NTM: variants seen among roughly 807,000 people sequenced by gnomAD.
The protein encoded by NTM is IgLON family member 2.
A neutral mutation model predicts 42.1 loss-of-function variants in NTM; 13 were observed. The observed-to-expected ratio is 0.31, with a 90% confidence interval of 0.20 to 0.49. The LOEUF (loss-of-function observed/expected upper bound fraction) is 0.49. Among genes scored for constraint, NTM ranks in the 20% least tolerant of loss-of-function variants. The pLI, the probability that NTM is intolerant of heterozygous loss-of-function variation, is 0.99. For synonymous variants in NTM, 187 were observed against 179.2 expected (o/e 1.04, Z -0.35); for missense variants, 373 against 452.8 (o/e 0.82, Z 1.60).
chr11:132,023,327 T>C (rs994741801), intron 2 of NTM, among the ~76,000 whole-genome samples: 1 of 152,184 alleles, frequency 6.6e-6, no homozygotes, highest in African/African-American at 2.4e-5. Flanking sequence ...TAAACCTCTC[T>C]TAATTAAAGC....
rs1945591257 is a variant in NTM, at chr11:131,404,436, T to G, written c.82+33548T>G. ...CCCTACTCTGTTTCTTTTGTTTCCA[T>G]CTTCTTCTCTGTATGCTGGGTCTGC... is the stretch of plus-strand genomic sequence containing the variant. On this transcript the variant is annotated intron_variant, in intron 1 of 8. Coordinates refer to ENST00000683400, the MANE Select transcript of NTM (RefSeq NM_001352005.2). Among the ~76,000 whole-genome samples the G allele has an allele frequency of 2.0e-5, 3 of 152,200 alleles. No individual in the cohort carries two copies. The South Asian group carries it at 6.2e-4, about 32-fold the overall frequency.
chr11:132,279,029 C>G (rs1000239963), intron 4 of NTM, among the ~76,000 whole-genome samples: 1 of 152,098 alleles, frequency 6.6e-6, no homozygotes, highest in Non-Finnish European at 1.5e-5. Flanking sequence ...TTAGATCATC[C>G]AAATGGAATG....
chr11:131,394,349 G>C (rs567684581), intron 1 of NTM, among the ~76,000 whole-genome samples: 1 of 152,196 alleles, frequency 6.6e-6, no homozygotes, highest in Non-Finnish European at 1.5e-5. Context: ...CTCCCAGGGA[G>C]ATTCCCCACC....
chr11:131,782,028 C>T lies in NTM; in HGVS notation c.83-129536C>T, dbSNP rs76856820. Among the ~76,000 whole-genome samples, 1,209 of 152,208 alleles carry T rather than the reference C, an allele frequency of 7.9e-3. 18 individuals are homozygous for T. Among genetic ancestry groups the T allele is most frequent in the African/African-American group, 0.028 (1,161 of 41,528 alleles). Reference sequence around the variant, plus strand: ...CATTAATGGTTTATTTGAGTTCTGACCAGCTAGAGTGGAGAGATTTTATTG... The same window carrying T: ...CATTAATGGTTTATTTGAGTTCTGATCAGCTAGAGTGGAGAGATTTTATTG... On this transcript the variant is annotated intron_variant, in intron 1 of 8. Transcript: ENST00000683400.
intron 1 of NTM, among the ~76,000 whole-genome samples, chr11:131,424,464 T>C (rs1947846247): frequency 6.6e-6 from 1 of 152,120 alleles, no homozygotes. Context: ...GTTATGCACC[T>C]TCCTCAAGTT....
chr11:132,058,847 G>A (rs562128264), intron 2 of NTM, among the ~76,000 whole-genome samples: 9 of 152,274 alleles, frequency 5.9e-5, no homozygotes, highest in Admixed American at 2.6e-4. Context: ...CATTTCAAAC[G>A]TAGGAAGCAG....
intron 1 of NTM, among the ~76,000 whole-genome samples, chr11:131,731,897 G>A (rs916411242): frequency 5.3e-5 from 8 of 152,128 alleles, no homozygotes; most frequent in African/African-American, 1.7e-4. Flanking sequence ...GTGCTGCTGG[G>A]CGGACCTCTC....
Position 131,370,778 on chromosome 11 carries a change from A to C in NTM, c.-29A>C. ...AAAGAAAAAAACCGAACCTGACAAA[A>C]AAGAAGAAAAAGAAGAAGAAAAAAA... On this transcript the variant is annotated 5_prime_UTR_variant, in exon 1 of 9. Coordinates refer to ENST00000683400, the MANE Select transcript of NTM (RefSeq NM_001352005.2). 1 of 1,593,662 alleles carries C rather than the reference A, an allele frequency of 6.3e-7. No homozygotes were observed. The highest frequency in any genetic ancestry group is 8.6e-7 in the Non-Finnish European group (1 of 1,165,500).
At chr11:132,162,878 ATCTG>A (rs2074625137) in intron 3 of NTM, among the ~76,000 whole-genome samples, 1 of 151,854 alleles carries the variant, frequency 6.6e-6, no homozygotes, top group Non-Finnish European at 1.5e-5. Context: ...GGAGGTTTCT[ATCTG>A]TCTATGAGTG....
intron 1 of NTM, among the ~76,000 whole-genome samples, chr11:131,545,141 A>C (rs1241357920): frequency 6.6e-6 from 1 of 152,130 alleles, no homozygotes; most frequent in Non-Finnish European, 1.5e-5. Flanking sequence ...AGAGTTTAAG[A>C]ATGAAAAGAA....
chr11:131,860,599 G>A (rs1453151684), intron 1 of NTM, among the ~76,000 whole-genome samples: 1 of 152,130 alleles, frequency 6.6e-6, no homozygotes, highest in Non-Finnish European at 1.5e-5. Flanking sequence ...TTGCTTGCAC[G>A]GATAATCTAG....
chr11:132,314,817 T>G, intron 7 of NTM, 114 bp downstream of exon 7: 1 of 1,385,450 alleles, frequency 7.2e-7, no homozygotes, highest in Admixed American at 3.2e-5. Context: ...TCAGTGGACA[T>G]GGAGAGGGAG....
At chr11:131,924,315 G>A (rs1371791352) in intron 2 of NTM, among the ~76,000 whole-genome samples, 2 of 152,174 alleles carry the variant, frequency 1.3e-5, no homozygotes. Context: ...CGCATCATGT[G>A]GGGCTACTAA....
At chr11:131,803,065 C>T (rs530153330) in intron 1 of NTM, among the ~76,000 whole-genome samples, 6 of 152,306 alleles carry the variant, frequency 3.9e-5, no homozygotes, top group Admixed American at 3.9e-4. Flanking sequence ...CCAGACACTT[C>T]ACAGAGCTGT....
At chr11:132,329,983 G>A in intron 7 of NTM, 170 bp from the exon 8 acceptor site, 4 of 628,114 alleles carry the variant, frequency 6.4e-6, no homozygotes, top group Non-Finnish European at 7.9e-6. Flanking sequence ...CCAGAGGGGG[G>A]TCACATAGGA....
chr11:132,332,921 A>G (rs2095827432), intron 8 of NTM, among the ~76,000 whole-genome samples: 1 of 152,096 alleles, frequency 6.6e-6, no homozygotes, highest in South Asian at 2.1e-4. Context: ...TCTCTTACCC[A>G]GGGCATCTTC....
intron 2 of NTM, among the ~76,000 whole-genome samples, chr11:132,143,174 T>C (rs1285380461): frequency 6.6e-6 from 1 of 152,176 alleles, no homozygotes; most frequent in Admixed American, 6.5e-5. Flanking sequence ...TCCTAGTGCC[T>C]ATTCACTCTG....
intron 1 of NTM, among the ~76,000 whole-genome samples, chr11:131,481,731 A>G (rs1262498478): frequency 2.0e-5 from 3 of 152,184 alleles, no homozygotes; most frequent in Admixed American, 1.3e-4. Flanking sequence ...TACCATCACT[A>G]TGAGCTCTGC....
intron 8 of NTM, among the ~76,000 whole-genome samples, chr11:132,331,882 G>T (rs2095807079): frequency 6.6e-6 from 1 of 152,170 alleles, no homozygotes; most frequent in Admixed American, 6.5e-5. Flanking sequence ...ACCCGCCCCT[G>T]TGTGCTCACA....
Sources: gnomAD v4.1 joint callset for allele counts (sites outside exome capture counted in the v4.1 genomes callset) on GRCh38, gnomAD v4.1.1 for gene constraint, MANE v1.5 for transcripts, NCBI Gene and HGNC (gene_info 2026-07-23, HGNC 2026-07-21) for gene names.